The following MIA2 variants were observed in gnomAD, a reference collection of about 807,000 sequenced individuals.
The protein encoded by MIA2 is melanoma inhibitory activity protein 2.
A neutral mutation model predicts 167.8 loss-of-function variants in MIA2; 127 were observed. That is an observed-to-expected ratio of 0.76 (90% CI 0.66 to 0.88). The LOEUF (loss-of-function observed/expected upper bound fraction) is 0.88. Ranked by LOEUF, MIA2 falls within the 40% of genes least tolerant of loss-of-function variation. MIA2 has a pLI of 0.00. For missense variants in MIA2, 1,690 were observed against 1,624.7 expected, an observed-to-expected ratio of 1.04 and a Z score of -0.69; for synonymous variants, 552 against 541.9, an observed-to-expected ratio of 1.02 and a Z score of -0.26.
Position 39,350,122 on chromosome 14 carries a change from G to T in MIA2, c.4097G>T (p.Gly1366Val). ...GTGAGAAATGTCTATCCACCGAGGG[G>T]TTTTCCTCCTTACCTTCCCCCAAGA... Reference protein sequence around the residue: ...FAMRNVYPPRGFPPYLPPRPG... With the variant: ...FAMRNVYPPRVFPPYLPPRPG... The change falls in exon 29 of 29, where the codon GGT (glycine) becomes GTT (valine). Residue 1366 changes from glycine (G) to valine (V), a missense_variant. Transcript: ENST00000640607. 4.3e-6 allele frequency: 6 copies of T among 1,382,120 alleles called. No homozygotes were observed. The highest frequency in any genetic ancestry group is 5.9e-6 in the Non-Finnish European group (6 of 1,013,004). The allele number at this position is 1,382,120 out of a possible 1,614,324, so 85.6% of individuals were successfully genotyped here.
intron 23 of MIA2, among the ~76,000 whole-genome samples, chr14:39,367,157 G>T (rs2074839060): frequency 6.6e-6 from 1 of 152,144 alleles, no homozygotes; most frequent in African/African-American, 2.4e-5. Context: ...CTTTGTCCTG[G>T]GGGCAGCCTC....
intron 23 of MIA2, among the ~76,000 whole-genome samples, chr14:39,367,718 T>A (rs1425411675): frequency 6.6e-6 from 1 of 152,212 alleles, no homozygotes; most frequent in East Asian, 1.9e-4. Flanking sequence ...AGTGTGATTA[T>A]CTACATGCTA....
intron 23 of MIA2, among the ~76,000 whole-genome samples, chr14:39,380,087 TTA>T (rs2075123754): frequency 1.3e-5 from 2 of 152,234 alleles, no homozygotes; most frequent in Admixed American, 1.3e-4. Flanking sequence ...ATAAAATAAT[TTA>T]GATATATTAA....
chr14:39,293,230 A>AAAG, intron 10 of MIA2, 41 bp from the exon 11 acceptor site: 1 of 1,331,274 alleles, frequency 7.5e-7, no homozygotes. Context: ...CCTAATGAAA[A>AAAG]ATTCTTATAT....
At chr14:39,304,163 A>T (rs2062952266) in intron 16 of MIA2, 128 bp from the exon 17 acceptor site, 4 of 439,174 alleles carry the variant, frequency 9.1e-6, no homozygotes, top group Non-Finnish European at 1.6e-5. Flanking sequence ...ATTCCAGGTG[A>T]TAATTTCATC....
chr14:39,315,845 A>T (rs1221732272), intron 21 of MIA2, 127 bp downstream of exon 21: 2 of 642,810 alleles, frequency 3.1e-6, no homozygotes, highest in African/African-American at 1.9e-5. Flanking sequence ...TTAATTTTAC[A>T]AGTAGTGAAA....
rs937329357 is a variant in MIA2 at position 39,277,710 on chromosome 14, A to T, written c.2019+645A>T. ...TATGTGTGTATATATATATATATATATATATGTGTGTATATATATATATAT... is the reference window on the plus strand; with the variant it reads ...TATGTGTGTATATATATATATATATTTATATGTGTGTATATATATATATAT... On this transcript the variant is annotated intron_variant, in intron 7 of 28. Transcript: ENST00000640607. Among the ~76,000 whole-genome samples, 3 of 6,402 alleles carry T rather than the reference A, an allele frequency of 4.7e-4. 1 individual carries two copies. The highest frequency in any genetic ancestry group is 3.5e-3 in the African/African-American group (3 of 862). 4.2% of individuals were successfully genotyped at this position (6,402 alleles called of 152,430 possible). A position where few individuals can be genotyped will look rare whatever the true frequency, so the allele number is the denominator to read the frequency against.
At chr14:39,266,764 A>T in intron 6 of MIA2, 14 of 983,068 alleles carry the variant, frequency 1.4e-5, no homozygotes, top group Non-Finnish European at 1.7e-5. Flanking sequence ...TGCAGGGCGC[A>T]GACAGCAGGC....
At position 39,247,180 on chromosome 14, in the gene MIA2, A is replaced by C. The variant is rs2054353664; in HGVS notation, c.606A>C (p.Glu202Asp). The C allele has an allele frequency of 6.2e-7, 1 of 1,614,182 alleles. No individual in the cohort carries two copies. Among genetic ancestry groups the C allele is most frequent in the East Asian group, 2.2e-5 (1 of 44,880 alleles). ...ESKDWEEVVVESMEQDRIPEV... is the reference protein window; with the variant it reads ...ESKDWEEVVVDSMEQDRIPEV... Reference sequence around the variant, plus strand: ...AAGACTGGGAAGAAGTAGTTGTTGAAAGTATGGAACAGGATCGTATTCCAG... The same window carrying C: ...AAGACTGGGAAGAAGTAGTTGTTGACAGTATGGAACAGGATCGTATTCCAG... The change falls in exon 4 of 29, where the codon GAA becomes GAC. Residue 202 changes from glutamate (E) to aspartate (D), a missense_variant. By Grantham distance (45) the Glu-to-Asp change is conservative (BLOSUM62 2). Transcript: ENST00000640607.
chr14:39,324,441 C>G (rs902707515), intron 24 of MIA2, among the ~76,000 whole-genome samples: 2 of 152,126 alleles, frequency 1.3e-5, no homozygotes, highest in African/African-American at 4.8e-5. Flanking sequence ...GCCAGTTGAT[C>G]TGATTCTACT....
chr14:39,264,264 G>T (rs2055308984), intron 6 of MIA2, among the ~76,000 whole-genome samples: 1 of 152,120 alleles, frequency 6.6e-6, no homozygotes, highest in Non-Finnish European at 1.5e-5. Context: ...CCACGTTGCT[G>T]CAAAGAATGT....
chr14:39,276,909 G>A, intron 6 of MIA2, 25 bp from the exon 7 acceptor site: 1 of 1,604,022 alleles, frequency 6.2e-7, no homozygotes, highest in East Asian at 2.2e-5. Context: ...ACATTTTTAA[G>A]AACTTACTTT....
At chr14:39,273,125 A>T (rs937529549) in intron 6 of MIA2, among the ~76,000 whole-genome samples, 1 of 151,414 alleles carries the variant, frequency 6.6e-6, no homozygotes, top group African/African-American at 2.4e-5. Context: ...TCCAGTCTGG[A>T]TGCCTTTTAT....
At chr14:39,237,706 A>C (rs998950470) in intron 2 of MIA2, among the ~76,000 whole-genome samples, 4 of 152,062 alleles carry the variant, frequency 2.6e-5, no homozygotes, top group African/African-American at 9.7e-5. Context: ...AGGCAACCCC[A>C]GTCATTTCTT....
chr14:39,273,374 A>G (rs1468765846), intron 6 of MIA2, among the ~76,000 whole-genome samples: 2 of 151,090 alleles, frequency 1.3e-5, no homozygotes, highest in African/African-American at 2.4e-5. Flanking sequence ...TTTGTTTGGG[A>G]CAGGGCCTCA....
chr14:39,336,196 G>A (rs1295493329), intron 25 of MIA2, among the ~76,000 whole-genome samples: 2 of 152,124 alleles, frequency 1.3e-5, no homozygotes, highest in Admixed American at 6.5e-5. Flanking sequence ...TTCCACAGTG[G>A]CCTAATAATT....
At chr14:39,315,932 A>G in intron 21 of MIA2, among the ~76,000 whole-genome samples, 1 of 152,144 alleles carries the variant, frequency 6.6e-6, no homozygotes, top group East Asian at 1.9e-4. Context: ...CTTTTATCAC[A>G]TTGCTTCTTT....
rs773325212 is a variant in MIA2, at chr14:39,247,012, A to C, written c.438A>C (p.Glu146Asp). The change falls in exon 4 of 29, where the codon GAA (glutamate) becomes GAC (aspartate). Residue 146 changes from glutamate (E) to aspartate (D), a missense_variant. Coordinates refer to ENST00000640607, the MANE Select transcript of MIA2 (RefSeq NM_001329214.4). Reference protein sequence around the residue: ...DYGENIYPYEEDKDEKSSIYE... With the variant: ...DYGENIYPYEDDKDEKSSIYE... ...GTGAAAATATATATCCTTATGAAGAAGATAAAGATGAAAAATCTAGTATAT... is the reference window on the plus strand; with the variant it reads ...GTGAAAATATATATCCTTATGAAGACGATAAAGATGAAAAATCTAGTATAT... 1 of 1,589,256 alleles carries C rather than the reference A, an allele frequency of 6.3e-7. No individual in the cohort carries two copies. Among genetic ancestry groups the C allele is most frequent in the Non-Finnish European group, 8.5e-7 (1 of 1,170,764 alleles).
In MIA2 at chr14:39,348,943, G is replaced by A; in HGVS notation, c.4038G>A (p.Gly1346=). ...CTTCTCGAGATTATTTTCCACCAGG[G>A]GATTTCCCAGGTCCACCACCTGCTC... is the stretch of plus-strand genomic sequence containing the variant. ...FGASRDYFPP[G]DFPGPPPAPF... Residue 1346 remains glycine (G), a synonymous_variant, in exon 28 of 29, where the codon GGG becomes GGA. Transcript: ENST00000640607. 1 of 1,613,880 alleles carries A rather than the reference G, an allele frequency of 6.2e-7. No individual in the cohort carries two copies. Among genetic ancestry groups the A allele is most frequent in the Non-Finnish European group, 8.5e-7 (1 of 1,179,898 alleles).
Sources: allele counts gnomAD v4.1 joint callset (sites outside exome capture counted in the v4.1 genomes callset), GRCh38; gene constraint gnomAD v4.1.1; transcripts MANE v1.5; gene names NCBI Gene and HGNC (gene_info 2026-07-23, HGNC 2026-07-21).